Variants in TRPM1 observed in about 807,000 individuals in gnomAD.
TRPM1 encodes TRPM1-203 APA Isoform, Intron 10.
In TRPM1, 113 loss-of-function variants were observed where a neutral mutation model predicts 149.4. The ratio of observed to expected loss-of-function variants is 0.76; its 90% CI spans 0.65 to 0.88. The LOEUF is 0.88. TRPM1 is among the 40% of genes least tolerant of loss of function. The probability of loss-of-function intolerance (pLI) is 0.00; values close to 1 mark genes in which losing one functional copy is unlikely to be tolerated. For missense variants in TRPM1, 1,976 were observed against 2,038.7 expected, an observed-to-expected ratio of 0.97 and a Z score of 0.59; for synonymous variants, 741 against 759.5, an observed-to-expected ratio of 0.98 and a Z score of 0.40.
intron 27 of TRPM1, among the ~76,000 whole-genome samples, chr15:31,007,656 C>A (rs900587040): frequency 3.8e-5 from 1 of 26,254 alleles, no homozygotes; most frequent in Non-Finnish European, 8.7e-5. Flanking sequence ...AGCGCAGCAA[C>A]AACAACAACA....
chr15:31,056,613 C>G (rs1475330530), intron 11 of TRPM1, among the ~76,000 whole-genome samples: 3 of 152,134 alleles, frequency 2.0e-5, no homozygotes, highest in African/African-American at 7.2e-5. Flanking sequence ...AACTGAATCC[C>G]CAGTGCAACA....
At chr15:31,088,293 T>C (rs1435923549) in intron 1 of TRPM1, among the ~76,000 whole-genome samples, 2 of 152,238 alleles carry the variant, frequency 1.3e-5, no homozygotes, top group African/African-American at 2.4e-5. Context: ...GAATAAAAGC[T>C]GGTCACCAGC....
At chr15:31,123,761 T>C (rs2035908966) in intron 1 of TRPM1, among the ~76,000 whole-genome samples, 1 of 152,166 alleles carries the variant, frequency 6.6e-6, no homozygotes, top group Admixed American at 6.5e-5. Context: ...GAGTGCCACT[T>C]TGTAAGACAG....
intron 1 of TRPM1, among the ~76,000 whole-genome samples, chr15:31,140,377 T>TAA (rs200856663): frequency 0.049 from 7,148 of 146,460 alleles, 182 homozygotes; most frequent in Non-Finnish European, 0.059. Flanking sequence ...AGAATCCGTC[T>TAA]AAAAAAAAAA....
intron 7 of TRPM1, among the ~76,000 whole-genome samples, chr15:31,064,871 T>C (rs546458021): frequency 7.9e-5 from 12 of 152,232 alleles, no homozygotes; most frequent in Admixed American, 4.6e-4. Flanking sequence ...CCAGGAGATA[T>C]TGGAAAAATG....
chr15:31,103,615 C>G (rs554301731), upstream of TRPM1, among the ~76,000 whole-genome samples: 21 of 151,968 alleles, frequency 1.4e-4, no homozygotes, highest in South Asian at 4.2e-3. Flanking sequence ...GAGTTCGAGA[C>G]CAGCCTGGCC....
chr15:31,002,828 C>G lies in TRPM1; in HGVS notation c.3872G>C (p.Gly1291Ala), dbSNP rs1258126336. The G allele has an allele frequency of 5.0e-6, 8 of 1,614,192 alleles. No homozygotes were observed. The highest frequency in any genetic ancestry group is 6.8e-6 in the Non-Finnish European group (8 of 1,180,032). ...LRQSSINSAD[G>A]YSLYRYHFNG... ...AAAATGATATCGATACAAGCTGTAG[C>G]CATCAGCGCTATTGATGCTGCTTTG... Residue 1291 changes from glycine to alanine, a missense_variant, in exon 28 of 28, where the codon GGC becomes GCC. By Grantham distance (60) the Gly-to-Ala change is moderately conservative. Around this residue, in one of 3 missense-constraint regions of TRPM1, gnomAD observed 572 missense variants for 578.9 expected, o/e 0.99. Coordinates refer to ENST00000256552, the MANE Select transcript of TRPM1 (RefSeq NM_001252024.2).
Position 31,020,780 on chromosome 15 carries a change from T to C in TRPM1, c.3629+5359A>G, listed in dbSNP as rs192866447. 1.6e-4 allele frequency among the ~76,000 whole-genome samples: 25 copies of C among 152,288 alleles called. No individual in the cohort carries two copies. The East Asian group carries it at 3.9e-3, about 23-fold the overall frequency. The stretch of plus-strand genomic sequence containing the variant: ...GGAGGACGGCTCATTTGGTTGGAGA[T>C]TGGGGACCAGGATACTGCATGCTTG... On this transcript the variant is annotated intron_variant, in intron 27 of 27. Transcript: ENST00000256552.
At position 31,030,997 on chromosome 15, in the gene TRPM1, G is replaced by A; in HGVS notation, c.3113C>T (p.Ala1038Val). ...TCTACTCTTACGGTCTATCTGGTCT[G>A]CAAACACCTCTCCATAGATCATCCA... ...PYWMIYGEVF[A>V]DQIDLYAMEI... Residue 1038 changes from alanine (A) to valine (V), a missense_variant, in exon 23 of 28, where the codon GCA becomes GTA. Physicochemically the swap from Ala to Val is moderately conservative, Grantham distance 64. Around this residue, in one of 3 missense-constraint regions of TRPM1, gnomAD observed 1,332 missense variants for 1,347.1 expected, o/e 0.99. Transcript: ENST00000256552. 6.2e-7 allele frequency: 1 copy of A among 1,614,116 alleles called. No individual in the cohort carries two copies. Among genetic ancestry groups the A allele is most frequent in the Non-Finnish European group, 8.5e-7 (1 of 1,180,014 alleles).
At chr15:31,121,540 A>T (rs1596085558) in intron 1 of TRPM1, among the ~76,000 whole-genome samples, 3 of 152,336 alleles carry the variant, frequency 2.0e-5, no homozygotes, top group African/African-American at 7.2e-5. Flanking sequence ...GAATAACATG[A>T]ACAAATTTGT....
intron 27 of TRPM1, among the ~76,000 whole-genome samples, chr15:31,009,324 G>A (rs927358677): frequency 1.4e-4 from 22 of 151,990 alleles, no homozygotes; most frequent in African/African-American, 4.8e-4. Flanking sequence ...AGGAGACCTC[G>A]GCTCAAAAAA....
At chr15:31,025,105 T>C (rs575019374) in intron 27 of TRPM1, among the ~76,000 whole-genome samples, 1 of 152,344 alleles carries the variant, frequency 6.6e-6, no homozygotes, top group African/African-American at 2.4e-5. Flanking sequence ...AGCTGCAATA[T>C]CTTTTTGAAG....
chr15:31,112,500 TCC>T (rs2035703877), intron 1 of TRPM1, among the ~76,000 whole-genome samples: 1 of 152,158 alleles, frequency 6.6e-6, no homozygotes, highest in Non-Finnish European at 1.5e-5. Flanking sequence ...TAACAATTAG[TCC>T]CAAATGCTCC....
chr15:31,137,449 T>C (rs1596096320), intron 1 of TRPM1, among the ~76,000 whole-genome samples: 1 of 152,170 alleles, frequency 6.6e-6, no homozygotes, highest in African/African-American at 2.4e-5. Context: ...AGAATGACAA[T>C]GGCTGTTATA....
intron 27 of TRPM1, among the ~76,000 whole-genome samples, chr15:31,025,125 G>A (rs1189514421): frequency 2.6e-5 from 4 of 152,144 alleles, no homozygotes; most frequent in African/African-American, 9.7e-5. Flanking sequence ...GTCCCACCCT[G>A]TTTTTATGGC....
intron 1 of TRPM1, among the ~76,000 whole-genome samples, chr15:31,121,125 G>C (rs1049638632): frequency 4.0e-5 from 6 of 149,466 alleles, no homozygotes; most frequent in Non-Finnish European, 7.4e-5. Flanking sequence ...TACTTGGGAG[G>C]CCAAGGCAGA....
intron 9 of TRPM1, 74 bp downstream of exon 9, chr15:31,062,505 A>T (rs1399865346): frequency 6.3e-7 from 1 of 1,584,996 alleles, no homozygotes; most frequent in Admixed American, 1.7e-5. Context: ...TGTCATGCAC[A>T]CATGGGCGGA....
intron 26 of TRPM1, 48 bp from the exon 27 acceptor site, chr15:31,026,319 G>A: frequency 6.2e-7 from 1 of 1,600,472 alleles, no homozygotes; most frequent in Non-Finnish European, 8.5e-7. Context: ...AGAAGAATCA[G>A]TTTCGTGGCG....
At chr15:31,103,827 AAGAG>A (rs201896957), upstream of TRPM1, among the ~76,000 whole-genome samples, 1,010 of 143,260 alleles carry the variant, frequency 7.1e-3, 3 homozygotes, top group Non-Finnish European at 0.01. Flanking sequence ...AAAAAAAAAA[AAGAG>A]AGAAAGAAAG....
Sources: allele counts gnomAD v4.1 joint callset (sites outside exome capture counted in the v4.1 genomes callset), GRCh38; gene constraint gnomAD v4.1.1; regional missense constraint gnomAD v4.1.1; transcripts MANE v1.5; gene names NCBI Gene and HGNC (gene_info 2026-07-23, HGNC 2026-07-21).